Variants in CCDC148 observed in about 807,000 individuals in gnomAD.
CCDC148 encodes coiled-coil domain containing 148, also known as coiled-coil domain-containing protein 148.
A neutral mutation model predicts 85.7 loss-of-function variants in CCDC148; 89 were observed. The observed-to-expected ratio is 1.04, with a 90% CI of 0.87 to 1.24. The LOEUF is 1.24. CCDC148 is among the 50% of genes most tolerant of loss of function. The pLI, the probability that CCDC148 is intolerant of heterozygous loss-of-function variation, is 0.00. For missense variants in CCDC148, 692 were observed against 671.7 expected (o/e 1.03, Z -0.33); for synonymous variants, 230 against 213.9 (o/e 1.08, Z -0.66).
chr2:158,245,011 T>A (rs547773009), intron 10 of CCDC148, among the ~76,000 whole-genome samples: 1 of 152,296 alleles, frequency 6.6e-6, no homozygotes, highest in African/African-American at 2.4e-5. Context: ...GGAGAACAGA[T>A]TTTATAATGT....
intron 1 of CCDC148, among the ~76,000 whole-genome samples, chr2:158,382,391 A>G (rs1247705386): frequency 2.6e-5 from 4 of 152,162 alleles, no homozygotes. Context: ...TGAAATATTC[A>G]TTAATACTAG....
At chr2:158,334,055 T>C (rs1217919175) in intron 7 of CCDC148, among the ~76,000 whole-genome samples, 1 of 152,110 alleles carries the variant, frequency 6.6e-6, no homozygotes, top group Non-Finnish European at 1.5e-5. Flanking sequence ...CAAAAGGGAA[T>C]TTTTATCAGA....
chr2:158,210,200 C>A (rs1158900147), intron 11 of CCDC148, among the ~76,000 whole-genome samples: 4 of 151,824 alleles, frequency 2.6e-5, no homozygotes, highest in African/African-American at 4.8e-5. Flanking sequence ...CAACAAAGAT[C>A]AAAAAAGACA....
chr2:158,218,731 T>C (rs73966285), intron 11 of CCDC148, among the ~76,000 whole-genome samples: 2 of 152,252 alleles, frequency 1.3e-5, no homozygotes, highest in African/African-American at 4.8e-5. Flanking sequence ...GGAATTCTTA[T>C]CCACCTACTT....
chr2:158,417,185 C>T (rs192683298), intron 1 of CCDC148, among the ~76,000 whole-genome samples: 2 of 152,314 alleles, frequency 1.3e-5, no homozygotes, highest in Admixed American at 1.3e-4. Context: ...GGCAGGGACA[C>T]AAATCCAAAC....
At chr2:158,220,792 T>C in intron 10 of CCDC148, 79 bp from the exon 11 acceptor site, 1 of 1,072,344 alleles carries the variant, frequency 9.3e-7, no homozygotes, top group Non-Finnish European at 1.3e-6. Context: ...CCATATCCAC[T>C]GGTTCGTATT....
chr2:158,433,658 G>A (rs1307071864), intron 1 of CCDC148, among the ~76,000 whole-genome samples: 1 of 152,194 alleles, frequency 6.6e-6, no homozygotes, highest in East Asian at 1.9e-4. Context: ...CCAAGTGTGA[G>A]CTGAAGCATG....
At chr2:158,263,149 G>A (rs1224531891) in intron 9 of CCDC148, among the ~76,000 whole-genome samples, 5 of 152,016 alleles carry the variant, frequency 3.3e-5, no homozygotes, top group East Asian at 3.9e-4. Flanking sequence ...AGCTTTGAAC[G>A]ATTCACAAAG....
chr2:158,322,977 A>C (rs181417978), intron 7 of CCDC148, among the ~76,000 whole-genome samples: 1 of 152,292 alleles, frequency 6.6e-6, no homozygotes, highest in Non-Finnish European at 1.5e-5. Context: ...TCAGACAATT[A>C]TGTCTCATCT....
rs1488069546 is a variant in CCDC148, at chr2:158,171,994, T to A, written c.*119A>T. 17 of 772,038 alleles carry A rather than the reference T, an allele frequency of 2.2e-5. No homozygotes were observed. Among genetic ancestry groups the A allele is most frequent in the Non-Finnish European group, 6.0e-6 (3 of 500,804 alleles). 47.8% of individuals were successfully genotyped at this position (772,038 alleles called of 1,614,324 possible). A position where few individuals can be genotyped will look rare whatever the true frequency, so the allele number is the denominator to read the frequency against. Reference sequence around the variant, plus strand: ...CAAAAGAAAGGCAAAGTTGTTTTAATAGATGCTATGATTTCTATGTCTGAT... The same window carrying A: ...CAAAAGAAAGGCAAAGTTGTTTTAAAAGATGCTATGATTTCTATGTCTGAT... On this transcript the variant is annotated 3_prime_UTR_variant, in exon 14 of 14. Transcript: ENST00000283233.
At chr2:158,288,146 C>T (rs556784831) in intron 9 of CCDC148, among the ~76,000 whole-genome samples, 39 of 152,278 alleles carry the variant, frequency 2.6e-4, no homozygotes, top group Middle Eastern at 6.8e-3. Context: ...GCACAGGAAC[C>T]CTAGGCCCAG....
At chr2:158,363,100 T>C (rs1684039175) in intron 1 of CCDC148, among the ~76,000 whole-genome samples, 1 of 152,104 alleles carries the variant, frequency 6.6e-6, no homozygotes, top group Admixed American at 6.6e-5. Context: ...ACATACACCC[T>C]CCTAAGTCTA....
At chr2:158,446,327 T>C (rs1688155707) in intron 1 of CCDC148, among the ~76,000 whole-genome samples, 1 of 150,820 alleles carries the variant, frequency 6.6e-6, no homozygotes, top group South Asian at 2.1e-4. Flanking sequence ...ACTCTAGCTA[T>C]CTGACAGGGC....
chr2:158,416,876 T>C (rs1303166376), intron 1 of CCDC148, among the ~76,000 whole-genome samples: 2 of 152,172 alleles, frequency 1.3e-5, no homozygotes, highest in Non-Finnish European at 2.9e-5. Context: ...GACTGAGTAA[T>C]TTATAAAGAA....
At chr2:158,315,416 A>G (rs1175057582) in intron 7 of CCDC148, among the ~76,000 whole-genome samples, 1 of 152,210 alleles carries the variant, frequency 6.6e-6, no homozygotes, top group East Asian at 1.9e-4. Flanking sequence ...CACAAGCAAC[A>G]AACAAAAAAA....
chr2:158,401,636 A>G (rs1685788980), intron 1 of CCDC148, among the ~76,000 whole-genome samples: 1 of 152,058 alleles, frequency 6.6e-6, no homozygotes, highest in Non-Finnish European at 1.5e-5. Context: ...GCACATGTAT[A>G]CCTATGTAAC....
intron 1 of CCDC148, among the ~76,000 whole-genome samples, chr2:158,373,697 T>C (rs1684541390): frequency 6.6e-6 from 1 of 152,060 alleles, no homozygotes; most frequent in African/African-American, 2.4e-5. Flanking sequence ...GGGCTATAGA[T>C]TTATTCAGGC....
chr2:158,218,408 T>C (rs1358079697), intron 11 of CCDC148, among the ~76,000 whole-genome samples: 1 of 152,222 alleles, frequency 6.6e-6, no homozygotes, highest in Admixed American at 6.5e-5. Context: ...TCTTATAATA[T>C]GCTTATTTTT....
At chr2:158,367,604 C>A (rs1684259960) in intron 1 of CCDC148, among the ~76,000 whole-genome samples, 1 of 152,112 alleles carries the variant, frequency 6.6e-6, no homozygotes, top group African/African-American at 2.4e-5. Flanking sequence ...TGTTTCTCAC[C>A]ATCTCTATGT....
Sources: gnomAD v4.1 joint callset for allele counts (sites outside exome capture counted in the v4.1 genomes callset) on GRCh38, gnomAD v4.1.1 for gene constraint, MANE v1.5 for transcripts, NCBI Gene and HGNC (gene_info 2026-07-23, HGNC 2026-07-21) for gene names.